The following FAM120B variants were observed in gnomAD, a reference collection of about 807,000 sequenced individuals.
The protein encoded by FAM120B is constitutive coactivator of peroxisome proliferator-activated receptor gamma.
FAM120B carries 83 observed loss-of-function variants against 96.3 expected under a neutral mutation model. The observed-to-expected ratio is 0.86, with a 90% confidence interval of 0.72 to 1.03. The LOEUF is 1.03. Among genes scored for constraint, FAM120B ranks in the 50% least tolerant of loss-of-function variants. The probability of loss-of-function intolerance (pLI) is 0.00; values close to 1 mark genes in which losing one functional copy is unlikely to be tolerated. For synonymous variants in FAM120B, 407 were observed against 402.7 expected, an observed-to-expected ratio of 1.01 and a Z score of -0.13; for missense variants, 1,027 against 1,121.2, an observed-to-expected ratio of 0.92 and a Z score of 1.20.
In FAM120B at chr6:170,370,713, C is replaced by T. The variant is rs1344242826; in HGVS notation, c.2283+12395C>T. Among the ~76,000 whole-genome samples, 1 of 152,176 alleles carries T rather than the reference C, an allele frequency of 6.6e-6. No homozygotes were observed. The highest frequency in any genetic ancestry group is 1.5e-5 in the Non-Finnish European group (1 of 68,028). On this transcript the variant is annotated intron_variant, in intron 6 of 10. Coordinates refer to ENST00000476287, the MANE Select transcript of FAM120B (RefSeq NM_032448.3). This position sits in a 1 kb window ranked among gnomAD's most constrained non-coding sequence, Gnocchi z 4.3. The stretch of plus-strand genomic sequence containing the variant: ...CCTCACCGCATTTCTTATAAAGATT[C>T]GCCTTCTAACACCTTTAAGGACTTG...
chr6:170,293,569 C>G (rs1405758401), upstream of FAM120B, among the ~76,000 whole-genome samples: 1 of 152,144 alleles, frequency 6.6e-6, no homozygotes, highest in East Asian at 1.9e-4. Flanking sequence ...AGCGTTCATT[C>G]TTTTCCAACT....
Position 170,404,615 on chromosome 6 carries a change from C to A in FAM120B, c.*11+14C>A. On this transcript the variant is annotated intron_variant, in intron 10 of 10. Transcript: ENST00000476287. The stretch of plus-strand genomic sequence containing the variant: ...GTCAACCTCCAGGTAAGTTCATCAC[C>A]TGCATCTCCAGAAGAAATCAGTCAC... The A allele has an allele frequency of 6.3e-7, 1 of 1,593,066 alleles. No homozygotes were observed. The highest frequency in any genetic ancestry group is 8.6e-7 in the Non-Finnish European group (1 of 1,160,974).
At position 170,324,164 on chromosome 6, in the gene FAM120B, T is replaced by C. The variant is rs147767674; in HGVS notation, c.1915+905T>C. Among the ~76,000 whole-genome samples the C allele has an allele frequency of 1.9e-4, 29 of 152,330 alleles. 1 individual carries two copies. In the Middle Eastern group the frequency reaches 0.014, roughly 71 times the overall value. ...CTCTGTTGTTCCAGAAAGTGAACAT[T>C]TACATAATCTAAAAGTGGTGATAGA... On this transcript the variant is annotated intron_variant, in intron 3 of 10. Transcript: ENST00000476287.
rs1002224913 is a variant in FAM120B at position 170,299,627 on chromosome 6, T to A, written c.48+4174T>A. 5.3e-5 allele frequency among the ~76,000 whole-genome samples: 8 copies of A among 152,262 alleles called. 1 individual carries two copies. The highest frequency in any genetic ancestry group is 9.6e-5 in the African/African-American group (4 of 41,470). ...AGTAATTTTGTATTTTTGTCCAGTT[T>A]TTTAGTTATTTAAAGTGGGAGGACC... On this transcript the variant is annotated intron_variant, in intron 1 of 10. Coordinates refer to the FAM120B transcript ENST00000537664.
intron 1 of FAM120B, among the ~76,000 whole-genome samples, chr6:170,300,272 AGAGCAAAGGACGG>A (rs1444130969): frequency 2.0e-5 from 3 of 152,224 alleles, no homozygotes; most frequent in African/African-American, 7.2e-5. Flanking sequence ...AGAGAAGTGC[AGAGCAAAGGACGG>A]GAAAAGCCCC....
intron 1 of FAM120B, among the ~76,000 whole-genome samples, chr6:170,310,414 G>T (rs537615061): frequency 6.6e-6 from 1 of 152,230 alleles, no homozygotes; most frequent in Non-Finnish European, 1.5e-5. Flanking sequence ...CTGTGGTGAG[G>T]CCCTTGCCCC....
chr6:170,376,389 A>C (rs143654347), intron 6 of FAM120B, among the ~76,000 whole-genome samples: 11 of 152,126 alleles, frequency 7.2e-5, no homozygotes, highest in African/African-American at 2.6e-4. Context: ...ATATAGTGTG[A>C]TAAGGACAGT....
chr6:170,334,395 T>C (rs1786274583), intron 4 of FAM120B, among the ~76,000 whole-genome samples: 1 of 152,266 alleles, frequency 6.6e-6, no homozygotes, highest in African/African-American at 2.4e-5. Flanking sequence ...TTTGATTCAA[T>C]CTGTCATTTG....
At chr6:170,367,650 C>T (rs936533883) in intron 6 of FAM120B, among the ~76,000 whole-genome samples, 1 of 152,184 alleles carries the variant, frequency 6.6e-6, no homozygotes, top group Non-Finnish European at 1.5e-5. Flanking sequence ...CAGGTCTGCA[C>T]GCACACACAG....
chr6:170,375,220 A>G lies in FAM120B; in HGVS notation c.2284-13067A>G, dbSNP rs530913012. Among the ~76,000 whole-genome samples the G allele has an allele frequency of 2.1e-3, 322 of 152,326 alleles. 1 individual carries two copies. Among genetic ancestry groups the G allele is most frequent in the Middle Eastern group, 0.017 (5 of 294 alleles). ...TGTCAGCACAGAGTTCCGCAATTTC[A>G]GTATCTTTCTAAATAACCGACTGTG... On this transcript the variant is annotated intron_variant, in intron 6 of 10. Coordinates refer to ENST00000476287, the MANE Select transcript of FAM120B (RefSeq NM_032448.3).
intron 6 of FAM120B, among the ~76,000 whole-genome samples, chr6:170,386,868 A>C (rs956971621): frequency 6.6e-6 from 1 of 152,264 alleles, no homozygotes; most frequent in Non-Finnish European, 1.5e-5. Flanking sequence ...AATCAAATCC[A>C]GCAATATGTA....
At chr6:170,293,266 C>T (rs1783925514), upstream of FAM120B, among the ~76,000 whole-genome samples, 2 of 152,108 alleles carry the variant, frequency 1.3e-5, no homozygotes, top group Admixed American at 1.3e-4. Flanking sequence ...AATCCAGAAT[C>T]CTCTGCCTGC....
At chr6:170,320,830 G>A (rs895023851) in intron 2 of FAM120B, among the ~76,000 whole-genome samples, 5 of 152,104 alleles carry the variant, frequency 3.3e-5, no homozygotes, top group Non-Finnish European at 5.9e-5. Flanking sequence ...GAATAAGGAG[G>A]GGATAATCCC....
At chr6:170,292,861 G>A (rs1237117198), upstream of FAM120B, among the ~76,000 whole-genome samples, 1 of 152,210 alleles carries the variant, frequency 6.6e-6, no homozygotes, top group Non-Finnish European at 1.5e-5. The surrounding 1 kb of genome is among the most constrained non-coding windows in gnomAD (Gnocchi z 6.6). Context: ...ATGGAATAGC[G>A]AAGAGTTAAC....
upstream of FAM120B, among the ~76,000 whole-genome samples, chr6:170,305,352 C>G (rs1204109799): frequency 1.3e-5 from 2 of 152,142 alleles, no homozygotes; most frequent in African/African-American, 4.8e-5. Flanking sequence ...TGCTGAACAC[C>G]ATTTGTTGAT....
In FAM120B at chr6:170,313,216, C is replaced by T. The variant is rs577685572; in HGVS notation, c.-21-4154C>T. Reference sequence around the variant, plus strand: ...CAGCAGATACTATCCTGTGTGCTGGCAAGGGATAAATATTAATCTCTTGGG... The same window carrying T: ...CAGCAGATACTATCCTGTGTGCTGGTAAGGGATAAATATTAATCTCTTGGG... On this transcript the variant is annotated intron_variant, in intron 1 of 10. Coordinates refer to ENST00000476287, the MANE Select transcript of FAM120B (RefSeq NM_032448.3). Among the ~76,000 whole-genome samples, 4 of 152,286 alleles carry T rather than the reference C, an allele frequency of 2.6e-5. No homozygotes were observed. In the East Asian group the frequency reaches 7.7e-4, roughly 29 times the overall value.
At chr6:170,296,153 C>G (rs1242551807) in intron 1 of FAM120B, among the ~76,000 whole-genome samples, 1 of 152,156 alleles carries the variant, frequency 6.6e-6, no homozygotes, top group Non-Finnish European at 1.5e-5. Context: ...CCGCCCCGTG[C>G]GAACCCCGGA....
chr6:170,313,179 A>G (rs556318740), intron 1 of FAM120B, among the ~76,000 whole-genome samples: 2 of 152,358 alleles, frequency 1.3e-5, no homozygotes, highest in East Asian at 3.9e-4. Flanking sequence ...GCATTCATAA[A>G]TAATAAACCT....
intron 1 of FAM120B, among the ~76,000 whole-genome samples, chr6:170,315,811 C>T (rs1177015949): frequency 6.6e-6 from 1 of 151,846 alleles, no homozygotes; most frequent in African/African-American, 2.4e-5. Flanking sequence ...TGTTTGGGCA[C>T]AGTGGCTCAT....
Sources: allele counts gnomAD v4.1 joint callset (sites outside exome capture counted in the v4.1 genomes callset), GRCh38; gene constraint gnomAD v4.1.1; non-coding constraint Gnocchi (gnomAD v3.1); transcripts MANE v1.5; gene names NCBI Gene and HGNC (gene_info 2026-07-23, HGNC 2026-07-21).